Variants in SLC22A25 observed in about 807,000 individuals in gnomAD.
SLC22A25 encodes the protein solute carrier family 22 member 25, also known as MGI:2442751, MGI:2385316, MGI:3042283, MGI:3645714, MGI:3605624, MGI:2442750.
In SLC22A25, 44 loss-of-function variants were observed where a neutral mutation model predicts 45.9. The ratio of observed to expected loss-of-function variants is 0.96; its 90% confidence interval spans 0.75 to 1.23. The LOEUF (loss-of-function observed/expected upper bound fraction) is 1.23. Among genes scored for constraint, SLC22A25 ranks in the 50% most tolerant of loss-of-function variants. The pLI is 0.00. For synonymous variants in SLC22A25, 283 were observed against 238.6 expected (o/e 1.19, Z -1.72); for missense variants, 800 against 666.4 (o/e 1.20, Z -2.21).
chr11:63,229,006 C>T (rs1174301378), intron 4 of SLC22A25, among the ~76,000 whole-genome samples: 1 of 152,174 alleles, frequency 6.6e-6, no homozygotes, highest in African/African-American at 2.4e-5. Context: ...TTCATAAATG[C>T]TTGCTTAAAT....
chr11:63,200,791 T>C (rs2089214557), intron 7 of SLC22A25, among the ~76,000 whole-genome samples: 1 of 152,224 alleles, frequency 6.6e-6, no homozygotes, highest in Admixed American at 6.5e-5. Context: ...CTTAAGCTGA[T>C]AGACAACTTC....
chr11:63,228,656 A>C, intron 4 of SLC22A25, 92 bp from the exon 5 acceptor site: 2 of 908,494 alleles, frequency 2.2e-6, no homozygotes, highest in Non-Finnish European at 3.4e-6. Flanking sequence ...GTTTCATTCT[A>C]TCTTCCTCCC....
rs79584948 is a variant in SLC22A25 at position 63,229,185 on chromosome 11, A to G, written c.402+66T>C. On this transcript the variant is annotated intron_variant, in intron 4 of 11. Coordinates refer to ENST00000306494, the MANE Select transcript of SLC22A25 (RefSeq NM_199352.6). The stretch of plus-strand genomic sequence containing the variant: ...CATGTGACTAAAGGCTGGAAGCACA[A>G]TCATTTCTTGTGTTATTCTAAACAG... The G allele has an allele frequency of 1.1e-3, 1,537 of 1,441,434 alleles. 20 individuals are homozygous for G. The African/African-American group carries it at 0.019, about 18-fold the overall frequency. The allele number at this position is 1,441,434 out of a possible 1,614,324, so 89.3% of individuals were successfully genotyped here.
chr11:63,193,715 G>T (rs1423853645), intron 7 of SLC22A25, among the ~76,000 whole-genome samples: 1 of 152,220 alleles, frequency 6.6e-6, no homozygotes. Flanking sequence ...AGAAACAAGA[G>T]CAGAAAAGCT....
intron 7 of SLC22A25, among the ~76,000 whole-genome samples, chr11:63,196,866 C>T (rs144145491): frequency 2.6e-5 from 4 of 152,192 alleles, no homozygotes; most frequent in Non-Finnish European, 5.9e-5. Context: ...CCCATCATCT[C>T]AGCCCAAAAT....
chr11:63,214,930 C>T (rs1388175364), intron 7 of SLC22A25, among the ~76,000 whole-genome samples: 1 of 152,082 alleles, frequency 6.6e-6, no homozygotes, highest in East Asian at 1.9e-4. Flanking sequence ...AGTCAGGAAA[C>T]AACAGATGCT....
intron 9 of SLC22A25, among the ~76,000 whole-genome samples, chr11:63,172,653 CTT>C (rs141999401): frequency 0.63 from 89,191 of 140,614 alleles, 28,143 homozygotes; most frequent in East Asian, 0.79. Flanking sequence ...CACAGGATAC[CTT>C]TTTTTTTTTT....
chr11:63,188,631 C>T (rs528338667), intron 7 of SLC22A25, among the ~76,000 whole-genome samples: 78 of 152,094 alleles, frequency 5.1e-4, no homozygotes, highest in African/African-American at 1.3e-3. Context: ...CTTTTAATTG[C>T]GGTGTTAGGG....
intron 7 of SLC22A25, among the ~76,000 whole-genome samples, chr11:63,195,061 A>G (rs1160770517): frequency 6.6e-6 from 1 of 152,102 alleles, no homozygotes; most frequent in South Asian, 2.1e-4. Flanking sequence ...ACTATCCTAA[A>G]TATATATATG....
intron 7 of SLC22A25, among the ~76,000 whole-genome samples, chr11:63,190,832 G>A (rs1027437070): frequency 1.3e-5 from 2 of 152,164 alleles, no homozygotes; most frequent in African/African-American, 4.8e-5. Flanking sequence ...TGTTTGTCTG[G>A]GTATCAGCAG....
chr11:63,173,753 T>C (rs2087978429), intron 9 of SLC22A25, among the ~76,000 whole-genome samples: 1 of 152,184 alleles, frequency 6.6e-6, no homozygotes, highest in Non-Finnish European at 1.5e-5. Context: ...CATGATTCTT[T>C]ATTTCTGCAT....
intron 8 of SLC22A25, among the ~76,000 whole-genome samples, chr11:63,181,989 A>G (rs893412700): frequency 1.1e-4 from 16 of 152,140 alleles, no homozygotes; most frequent in African/African-American, 3.9e-4. Context: ...GACCACTAAA[A>G]TTAGACTGAT....
intron 1 of SLC22A25, 117 bp downstream of exon 1, chr11:63,243,317 G>T (rs556966541): frequency 4.3e-4 from 208 of 482,348 alleles, no homozygotes; most frequent in African/African-American, 3.5e-3. Context: ...TGGCCAACAT[G>T]ATTGAACCAT....
intron 5 of SLC22A25, among the ~76,000 whole-genome samples, chr11:63,220,868 C>T (rs1364280721): frequency 6.6e-6 from 1 of 152,116 alleles, no homozygotes; most frequent in Admixed American, 6.6e-5. Context: ...TAAGTGAGAA[C>T]ATGTGAAGTT....
At chr11:63,164,138 C>A in intron 11 of SLC22A25, 65 bp from the exon 12 acceptor site, 1 of 1,516,736 alleles carries the variant, frequency 6.6e-7, no homozygotes, top group South Asian at 1.3e-5. Context: ...TGTGATTTAT[C>A]ATTTTGCTGT....
At chr11:63,227,019 G>A (rs953683731) in intron 5 of SLC22A25, among the ~76,000 whole-genome samples, 1 of 152,184 alleles carries the variant, frequency 6.6e-6, no homozygotes, top group Admixed American at 6.5e-5. Context: ...TCCAGACCTG[G>A]GACTCACCCT....
chr11:63,212,241 A>AC (rs1554981420), intron 7 of SLC22A25, among the ~76,000 whole-genome samples: 1 of 150,422 alleles, frequency 6.6e-6, no homozygotes, highest in Non-Finnish European at 1.5e-5. Flanking sequence ...TAGTTCAACC[A>AC]TGTGGAAGAC....
In SLC22A25 at chr11:63,163,785, G is replaced by C; in HGVS notation, c.*39C>G. 6.4e-7 allele frequency: 1 copy of C among 1,568,528 alleles called. No individual in the cohort carries two copies. The highest frequency in any genetic ancestry group is 8.6e-7 in the Non-Finnish European group (1 of 1,159,942). Reference sequence around the variant, plus strand: ...CCAGATCTAAGCCTTTTTGGGGGATGGTAGCCCTAAATGGTGTTTTGCTTT... The same window carrying C: ...CCAGATCTAAGCCTTTTTGGGGGATCGTAGCCCTAAATGGTGTTTTGCTTT... On this transcript the variant is annotated 3_prime_UTR_variant, in exon 12 of 12. Coordinates refer to ENST00000306494, the MANE Select transcript of SLC22A25 (RefSeq NM_199352.6).
intron 7 of SLC22A25, among the ~76,000 whole-genome samples, chr11:63,186,466 T>G (rs903483860): frequency 6.6e-6 from 1 of 150,868 alleles, no homozygotes; most frequent in African/African-American, 2.4e-5. Flanking sequence ...ATGAGTAGAT[T>G]GCAAAAATTT....
Sources: gnomAD v4.1 joint callset for allele counts (sites outside exome capture counted in the v4.1 genomes callset) on GRCh38, gnomAD v4.1.1 for gene constraint, MANE v1.5 for transcripts, NCBI Gene and HGNC (gene_info 2026-07-23, HGNC 2026-07-21) for gene names.